PPP2R3A: variants seen among roughly 807,000 people sequenced by gnomAD.
PPP2R3A encodes serine/threonine-protein phosphatase 2A regulatory subunit B'' subunit alpha.
A neutral mutation model predicts 106.9 loss-of-function variants in PPP2R3A; 80 were observed. That is an observed-to-expected ratio of 0.75 (90% CI 0.62 to 0.90). The LOEUF (loss-of-function observed/expected upper bound fraction) is 0.90, where lower values mean the gene tolerates loss of function less well. PPP2R3A is among the 40% of genes least tolerant of loss of function. PPP2R3A has a pLI of 0.00. For missense variants in PPP2R3A, 1,386 were observed against 1,350.4 expected, an observed-to-expected ratio of 1.03 and a Z score of -0.41; for synonymous variants, 483 against 468.3, an observed-to-expected ratio of 1.03 and a Z score of -0.41.
intron 5 of PPP2R3A, among the ~76,000 whole-genome samples, chr3:136,065,472 A>T (rs1936236832): frequency 6.6e-6 from 1 of 152,042 alleles, no homozygotes; most frequent in Non-Finnish European, 1.5e-5. Context: ...CGTTTTTATT[A>T]TGGAGAATTT....
At chr3:135,977,903 T>C (rs1937463447) in intron 1 of PPP2R3A, among the ~76,000 whole-genome samples, 1 of 152,020 alleles carries the variant, frequency 6.6e-6, no homozygotes, top group Non-Finnish European at 1.5e-5. Context: ...TTTCACCATG[T>C]TGCCCAGGCT....
intron 13 of PPP2R3A, among the ~76,000 whole-genome samples, chr3:136,110,920 T>TA (rs1937582365): frequency 2.0e-5 from 3 of 151,840 alleles, no homozygotes; most frequent in Non-Finnish European, 4.4e-5. Context: ...ACATTATCCA[T>TA]AAAGTGTACA....
At chr3:136,136,095 A>ATATAT (rs1559940409) in intron 13 of PPP2R3A, among the ~76,000 whole-genome samples, 1 of 134,238 alleles carries the variant, frequency 7.4e-6, no homozygotes, top group Non-Finnish European at 1.6e-5. Context: ...TATATATATA[A>ATATAT]AAAACATCAT....
chr3:136,007,969 A>G lies in PPP2R3A; in HGVS notation c.1995+4476A>G, dbSNP rs143038321. Among the ~76,000 whole-genome samples, 22 of 152,126 alleles carry G rather than the reference A, an allele frequency of 1.4e-4. 1 individual carries two copies. The East Asian group carries it at 4.2e-3, about 29-fold the overall frequency. Reference sequence around the variant, plus strand: ...TGCTTTCTTCTAACCCTGAGCAGGAATTTGTATTTGAGATTTCATTCCAGA... The same window carrying G: ...TGCTTTCTTCTAACCCTGAGCAGGAGTTTGTATTTGAGATTTCATTCCAGA... On this transcript the variant is annotated intron_variant, in intron 2 of 13. Coordinates refer to ENST00000264977, the MANE Select transcript of PPP2R3A (RefSeq NM_002718.5).
At chr3:136,117,556 G>A (rs938719284) in intron 13 of PPP2R3A, among the ~76,000 whole-genome samples, 17 of 152,184 alleles carry the variant, frequency 1.1e-4, no homozygotes, top group South Asian at 6.2e-4. Flanking sequence ...TATCACCACC[G>A]ATCCCACAGA....
At chr3:136,080,740 C>T (rs529508357) in intron 7 of PPP2R3A, among the ~76,000 whole-genome samples, 75 of 152,190 alleles carry the variant, frequency 4.9e-4, no homozygotes, top group Non-Finnish European at 3.1e-4. Context: ...TTATGTAGTT[C>T]TTAGTGGGTA....
At position 136,103,199 on chromosome 3, in the gene PPP2R3A, T is replaced by C. The variant is rs185722832; in HGVS notation, c.3104-59T>C. The C allele has an allele frequency of 1.8e-4, 212 of 1,166,232 alleles. No homozygotes were observed. The African/African-American group carries it at 3.1e-3, about 17-fold the overall frequency. 72.2% of individuals were successfully genotyped at this position (1,166,232 alleles called of 1,614,324 possible). On this transcript the variant is annotated intron_variant, in intron 11 of 13. Coordinates refer to ENST00000264977, the MANE Select transcript of PPP2R3A (RefSeq NM_002718.5). ...TACTTTTAGATGTCAGGGAAAGTTT[T>C]TTCCTCTTGCCAAAACAGCTCTTGA... is the stretch of plus-strand genomic sequence containing the variant.
At chr3:136,008,914 C>T (rs1264188102) in intron 2 of PPP2R3A, among the ~76,000 whole-genome samples, 1 of 152,036 alleles carries the variant, frequency 6.6e-6, no homozygotes, top group African/African-American at 2.4e-5. Context: ...CTAATATGCC[C>T]TTCATCCTTG....
intron 1 of PPP2R3A, among the ~76,000 whole-genome samples, chr3:135,976,524 A>T (rs1297859576): frequency 1.3e-5 from 2 of 152,228 alleles, no homozygotes; most frequent in Non-Finnish European, 1.5e-5. Context: ...ACAACATAAC[A>T]GGTGCTTGCC....
intron 2 of PPP2R3A, among the ~76,000 whole-genome samples, chr3:136,021,363 G>C (rs745733590): frequency 2.0e-5 from 3 of 152,032 alleles, no homozygotes; most frequent in Non-Finnish European, 4.4e-5. Flanking sequence ...TTCAATCATA[G>C]TACGTATCAA....
At position 136,138,518 on chromosome 3, in the gene PPP2R3A, T is replaced by G. The variant is rs540548661; in HGVS notation, c.3330-6525T>G. ...CAACAAGAGTTGAAACTAAAGATTT[T>G]CTGGTCACTGGATGGGTTAAGGAAA... On this transcript the variant is annotated intron_variant, in intron 13 of 13. Coordinates refer to ENST00000264977, the MANE Select transcript of PPP2R3A (RefSeq NM_002718.5). Among the ~76,000 whole-genome samples, 7 of 152,246 alleles carry G rather than the reference T, an allele frequency of 4.6e-5. No homozygotes were observed. In the South Asian group the frequency reaches 1.5e-3, roughly 32 times the overall value.
chr3:136,010,533 A>T (rs1208739039), intron 2 of PPP2R3A, among the ~76,000 whole-genome samples: 88 of 109,824 alleles, frequency 8.0e-4, no homozygotes, highest in African/African-American at 2.8e-3. Context: ...TTCACACCAT[A>T]CTCCTGCCTC....
chr3:136,111,422 T>A (rs1937590173), intron 13 of PPP2R3A, among the ~76,000 whole-genome samples: 1 of 152,022 alleles, frequency 6.6e-6, no homozygotes, highest in African/African-American at 2.4e-5. Context: ...CTGAAAAAAA[T>A]TGAGTAAAAA....
intron 4 of PPP2R3A, among the ~76,000 whole-genome samples, chr3:136,043,598 CAT>C (rs889051861): frequency 1.1e-4 from 17 of 152,202 alleles, no homozygotes; most frequent in Non-Finnish European, 2.2e-4. Context: ...TATACTCTGA[CAT>C]ATATTCTTCT....
At chr3:136,040,466 G>T (rs892055275) in intron 3 of PPP2R3A, among the ~76,000 whole-genome samples, 7 of 152,126 alleles carry the variant, frequency 4.6e-5, no homozygotes, top group Non-Finnish European at 8.8e-5. Flanking sequence ...CTTAAACCTA[G>T]GAGGCAGAGG....
chr3:136,033,912 C>T (rs1003386587), intron 3 of PPP2R3A, among the ~76,000 whole-genome samples: 2 of 150,572 alleles, frequency 1.3e-5, no homozygotes, highest in African/African-American at 2.4e-5. Context: ...CTGCTCTGAT[C>T]CTGGTCATTT....
At chr3:136,031,973 C>G (rs191452585) in intron 3 of PPP2R3A, among the ~76,000 whole-genome samples, 5 of 152,066 alleles carry the variant, frequency 3.3e-5, no homozygotes, top group African/African-American at 1.2e-4. Flanking sequence ...CTTAGTCTTG[C>G]GTTGGCCATG....
chr3:136,061,884 G>A lies in PPP2R3A; in HGVS notation c.2470-8594G>A, dbSNP rs558876124. Among the ~76,000 whole-genome samples, 81 of 133,218 alleles carry A rather than the reference G, an allele frequency of 6.1e-4. 1 individual carries two copies. The highest frequency in any genetic ancestry group is 1.7e-3 in the Admixed American group (21 of 12,074). 87.4% of individuals were successfully genotyped at this position (133,218 alleles called of 152,430 possible). A position where few individuals can be genotyped will look rare whatever the true frequency, so the allele number is the denominator to read the frequency against. ...GGAGCTTGCAGTGAGCCGAGATCAC[G>A]CCACTGCACTCCAGCCTGGGCGACA... On this transcript the variant is annotated intron_variant, in intron 5 of 13. Coordinates refer to ENST00000264977, the MANE Select transcript of PPP2R3A (RefSeq NM_002718.5).
intron 5 of PPP2R3A, among the ~76,000 whole-genome samples, chr3:136,070,267 A>C (rs1371956690): frequency 6.6e-6 from 1 of 152,204 alleles, no homozygotes; most frequent in East Asian, 1.9e-4. Flanking sequence ...ATCAAACTTC[A>C]ACTTTTTTTG....
Sources: gnomAD v4.1 joint callset for allele counts (sites outside exome capture counted in the v4.1 genomes callset) on GRCh38, gnomAD v4.1.1 for gene constraint, MANE v1.5 for transcripts, NCBI Gene and HGNC (gene_info 2026-07-23, HGNC 2026-07-21) for gene names.